Variants in SLC44A3 observed in about 807,000 individuals in gnomAD.
The protein encoded by SLC44A3 is solute carrier family 44 member 3, also known as choline transporter-like protein 3.
Under a neutral mutation model 75.4 loss-of-function variants are expected in SLC44A3, and 74 were observed. The ratio of observed to expected loss-of-function variants is 0.98; its 90% CI spans 0.81 to 1.19. SLC44A3 has a LOEUF of 1.19. Ranked by LOEUF, SLC44A3 falls within the 50% of genes most tolerant of loss-of-function variation. The pLI is 0.00. For missense variants in SLC44A3, 700 were observed against 778.6 expected (o/e 0.90, Z 1.20); for synonymous variants, 310 against 296.9 (o/e 1.04, Z -0.45).
intron 12 of SLC44A3, among the ~76,000 whole-genome samples, chr1:94,878,929 A>G (rs536470081): frequency 6.6e-6 from 1 of 152,334 alleles, no homozygotes; most frequent in South Asian, 2.1e-4. Context: ...GAAAATTAAA[A>G]TGAACTAAAG....
intron 12 of SLC44A3, among the ~76,000 whole-genome samples, chr1:94,871,960 A>G (rs1667805442): frequency 6.6e-6 from 1 of 152,362 alleles, no homozygotes; most frequent in South Asian, 2.1e-4. Context: ...TTATGAATGC[A>G]CACACGTAGA....
intron 12 of SLC44A3, among the ~76,000 whole-genome samples, chr1:94,879,005 G>T (rs550816914): frequency 2.0e-5 from 3 of 152,268 alleles, no homozygotes; most frequent in Admixed American, 2.0e-4. Flanking sequence ...CAGAACATTG[G>T]ATTTGGCAGT....
chr1:94,881,386 A>C (rs80209162), intron 12 of SLC44A3, among the ~76,000 whole-genome samples: 12,008 of 152,258 alleles, frequency 0.079, 545 homozygotes, highest in Non-Finnish European at 0.11. Context: ...TCTGGGCTTC[A>C]AATCAGAGAA....
intron 9 of SLC44A3, among the ~76,000 whole-genome samples, chr1:94,852,203 A>G: frequency 6.6e-6 from 1 of 152,240 alleles, no homozygotes; most frequent in Non-Finnish European, 1.5e-5. Flanking sequence ...GACAGGCTTT[A>G]AATAAAGTAA....
chr1:94,840,419 A>T (rs1458860644), intron 7 of SLC44A3, among the ~76,000 whole-genome samples: 1 of 150,040 alleles, frequency 6.7e-6, no homozygotes, highest in East Asian at 2.0e-4. Flanking sequence ...CCCCCCAGGT[A>T]GCTGGAATTA....
At chr1:94,892,825 C>T (rs3916483) in intron 14 of SLC44A3, among the ~76,000 whole-genome samples, 2,838 of 152,258 alleles carry the variant, frequency 0.019, 98 homozygotes, top group African/African-American at 0.066. Flanking sequence ...AGTTCAGCTC[C>T]CTTTGGTGCT....
intron 9 of SLC44A3, among the ~76,000 whole-genome samples, chr1:94,850,463 G>A (rs12028130): frequency 0.093 from 14,082 of 152,134 alleles, 1,315 homozygotes; most frequent in African/African-American, 0.24. Flanking sequence ...GGCAGGGAGT[G>A]GACTTCCCGC....
intron 12 of SLC44A3, among the ~76,000 whole-genome samples, chr1:94,886,359 C>T (rs859068): frequency 0.77 from 116,747 of 151,574 alleles, 45,554 homozygotes; most frequent in Non-Finnish European, 0.84. Flanking sequence ...AACTTCCTTT[C>T]ACTGCTCTTG....
intron 12 of SLC44A3, among the ~76,000 whole-genome samples, chr1:94,882,053 A>G (rs1379923084): frequency 2.0e-5 from 3 of 152,072 alleles, no homozygotes; most frequent in African/African-American, 7.2e-5. Flanking sequence ...CCAACCTTCT[A>G]AAGTCTGTAA....
intron 6 of SLC44A3, among the ~76,000 whole-genome samples, chr1:94,839,716 C>G (rs1663327973): frequency 6.6e-6 from 1 of 152,094 alleles, no homozygotes; most frequent in Non-Finnish European, 1.5e-5. Context: ...GAGAAGAATA[C>G]TAGGACTTTC....
chr1:94,869,489 G>A (rs1667529705), intron 12 of SLC44A3, among the ~76,000 whole-genome samples: 1 of 152,202 alleles, frequency 6.6e-6, no homozygotes, highest in African/African-American at 2.4e-5. Context: ...TTTCCTTGGG[G>A]TGACTCCTGT....
At position 94,842,025 on chromosome 1, in the gene SLC44A3, G is replaced by A. The variant is rs1262765186; in HGVS notation, c.786G>A (p.Leu262=). The A allele has an allele frequency of 6.2e-7, 1 of 1,613,050 alleles. No individual in the cohort carries two copies. The highest frequency in any genetic ancestry group is 8.5e-7 in the Non-Finnish European group (1 of 1,179,620). The stretch of plus-strand genomic sequence containing the variant: ...TTGTCTGCGGTGTTTTATGGTGGCT[G>A]TATTATGACTATACCAACGACCTCA... ...LLFVCGVLWW[L]YYDYTNDLSI... is the part of the protein sequence containing the mutation. The change falls in exon 8 of 15, where the codon CTG becomes CTA. Residue 262 remains leucine, a synonymous_variant. Transcript: ENST00000271227.
At chr1:94,846,206 A>T (rs1459696303) in intron 9 of SLC44A3, among the ~76,000 whole-genome samples, 4 of 151,612 alleles carry the variant, frequency 2.6e-5, no homozygotes, top group Non-Finnish European at 4.4e-5. Flanking sequence ...AAGCAAACTC[A>T]TAGTTCACAT....
intron 3 of SLC44A3, among the ~76,000 whole-genome samples, chr1:94,827,058 C>T (rs1661459701): frequency 6.6e-6 from 1 of 152,188 alleles, no homozygotes; most frequent in African/African-American, 2.4e-5. Flanking sequence ...CCTTTGGTTC[C>T]CAGCCTTGGC....
intron 12 of SLC44A3, among the ~76,000 whole-genome samples, chr1:94,872,411 CT>C (rs397795189): frequency 2.6e-4 from 38 of 147,652 alleles, no homozygotes; most frequent in African/African-American, 2.7e-4. Flanking sequence ...TTTATTCATT[CT>C]TTTTTTTTTT....
intron 9 of SLC44A3, among the ~76,000 whole-genome samples, chr1:94,856,455 G>C (rs1024751201): frequency 2.0e-5 from 3 of 152,188 alleles, no homozygotes; most frequent in African/African-American, 7.2e-5. Context: ...AATGTGCTAA[G>C]AGAGTTTGCT....
intron 12 of SLC44A3, among the ~76,000 whole-genome samples, chr1:94,889,544 ACACACACAC>A (rs1444941076): frequency 8.9e-6 from 1 of 112,336 alleles, no homozygotes. Flanking sequence ...ACACACACAC[ACACACACAC>A]ATTTGTAGTC....
At chr1:94,858,673 G>GTGTT (rs59998353) in intron 10 of SLC44A3, among the ~76,000 whole-genome samples, 74,896 of 149,694 alleles carry the variant, frequency 0.5, 19,234 homozygotes, top group East Asian at 0.79. Flanking sequence ...GCACTGTCGG[G>GTGTT]TGTTTGTTTG....
intron 12 of SLC44A3, among the ~76,000 whole-genome samples, chr1:94,885,166 A>C (rs1473363205): frequency 6.7e-6 from 1 of 148,896 alleles, no homozygotes; most frequent in African/African-American, 2.5e-5. Context: ...TCAATTGACC[A>C]CAGGAATACA....
Sources: gnomAD v4.1 joint callset for allele counts (sites outside exome capture counted in the v4.1 genomes callset) on GRCh38, gnomAD v4.1.1 for gene constraint, MANE v1.5 for transcripts, NCBI Gene and HGNC (gene_info 2026-07-23, HGNC 2026-07-21) for gene names.